The following OGDHL variants were observed in gnomAD, a reference collection of about 807,000 sequenced individuals.
OGDHL encodes oxoglutarate dehydrogenase L.
In OGDHL, 79 loss-of-function variants were observed where a neutral mutation model predicts 109.6. That is an observed-to-expected ratio of 0.72 (90% CI 0.60 to 0.87). The LOEUF is 0.87. OGDHL is among the 40% of genes least tolerant of loss of function. The pLI is 0.00. For missense variants in OGDHL, 1,275 were observed against 1,362.2 expected (o/e 0.94, Z 1.01); for synonymous variants, 528 against 537.2 (o/e 0.98, Z 0.24).
chr10:49,737,937 G>A lies in OGDHL; in HGVS notation c.2517+10C>T, dbSNP rs769479342. On this transcript the variant is annotated intron_variant, in intron 19 of 22. Coordinates refer to ENST00000374103, the MANE Select transcript of OGDHL (RefSeq NM_018245.3). ...CTGCCTGTGACCCCTGCCCTGGGAC[G>A]GAGACTCACCGGCTTGCGGAAGGGC... The A allele has an allele frequency of 1.7e-5, 27 of 1,614,016 alleles. No homozygotes were observed. Among genetic ancestry groups the A allele is most frequent in the African/African-American group, 5.3e-5 (4 of 74,926 alleles).
rs972315344 is a variant in OGDHL, at chr10:49,756,895, C to G, written c.256G>C (p.Ala86Pro). The G allele has an allele frequency of 6.2e-7, 1 of 1,613,852 alleles. No homozygotes were observed. The highest frequency in any genetic ancestry group is 8.5e-7 in the Non-Finnish European group (1 of 1,179,884). The change falls in exon 3 of 23, where the codon GCT (alanine) becomes CCT (proline). Residue 86 changes from alanine (A) to proline (P), a missense_variant. Coordinates refer to ENST00000374103, the MANE Select transcript of OGDHL (RefSeq NM_018245.3). Reference sequence around the variant, plus strand: ...ACAACAGAAGGGGGCCGTGGCTGAGCAGAGCCAGAAAAGGCTTCCTCGCTG... The same window carrying G: ...ACAACAGAAGGGGGCCGTGGCTGAGGAGAGCCAGAAAAGGCTTCCTCGCTG... ...EASEEAFSGS[A>P]QPRPPSVVHE...
At chr10:49,760,068 C>T (rs989855889) in intron 1 of OGDHL, among the ~76,000 whole-genome samples, 1 of 152,266 alleles carries the variant, frequency 6.6e-6, no homozygotes, top group Non-Finnish European at 1.5e-5. Flanking sequence ...CACAGCCCTC[C>T]TTCTAACTCA....
chr10:49,752,859 T>G (rs541532306), intron 3 of OGDHL, 119 bp from the exon 4 acceptor site: 1 of 698,218 alleles, frequency 1.4e-6, no homozygotes, highest in South Asian at 1.9e-5. Flanking sequence ...CTTCCCCATG[T>G]CTCTGCCCCG....
Position 49,743,911 on chromosome 10 carries a change from T to C in OGDHL, c.1861+83A>G. 10 of 1,530,314 alleles carry C rather than the reference T, an allele frequency of 6.5e-6. No homozygotes were observed. In the South Asian group the frequency reaches 1.1e-4, roughly 17 times the overall value. 94.8% of individuals were successfully genotyped at this position (1,530,314 alleles called of 1,614,324 possible). ...GCAGGAATGCGACACACCATCTCTCTTGCATCCCAACCAATCTCCCTTCGA... is the reference window on the plus strand; with the variant it reads ...GCAGGAATGCGACACACCATCTCTCCTGCATCCCAACCAATCTCCCTTCGA... On this transcript the variant is annotated intron_variant, in intron 14 of 22. Coordinates refer to ENST00000374103, the MANE Select transcript of OGDHL (RefSeq NM_018245.3).
rs1465107751 is a variant in OGDHL at position 49,745,391 on chromosome 10, C to A, written c.1582G>T (p.Ala528Ser). The A allele has an allele frequency of 6.2e-7, 1 of 1,614,142 alleles. No homozygotes were observed. The highest frequency in any genetic ancestry group is 2.2e-5 in the East Asian group (1 of 44,888). ...GTGCCCTCGGCAATCAGCTTGTCTGCGTACTTCTTCAGCACAGGCACCTGT... is the reference window on the plus strand; with the variant it reads ...GTGCCCTCGGCAATCAGCTTGTCTGAGTACTTCTTCAGCACAGGCACCTGT... Reference protein sequence around the residue: ...HRQVPVLKKYADKLIAEGTVT... With the variant: ...HRQVPVLKKYSDKLIAEGTVT... Residue 528 changes from alanine (A) to serine (S), a missense_variant, in exon 12 of 23, where the codon GCA becomes TCA. By Grantham distance (99) the Ala-to-Ser change is moderately conservative (BLOSUM62 1). Coordinates refer to ENST00000374103, the MANE Select transcript of OGDHL (RefSeq NM_018245.3).
rs931566217 is a variant in OGDHL, at chr10:49,735,337, T to G, written c.2924A>C (p.Asp975Ala). The G allele has an allele frequency of 6.2e-7, 1 of 1,613,064 alleles. No individual in the cohort carries two copies. Among genetic ancestry groups the G allele is most frequent in the Non-Finnish European group, 8.5e-7 (1 of 1,179,836 alleles). ...TCCTGTGGCTGGTGCAGCCGCTGGG[T>G]CCCGGCCAACATACCTGGAGGAGGA... ...RARPIWYVGRDPAAAPATGNR... is the reference protein window; with the variant it reads ...RARPIWYVGRAPAAAPATGNR... Residue 975 changes from aspartate to alanine, a missense_variant, in exon 23 of 23, where the codon GAC (aspartate) becomes GCC (alanine). Coordinates refer to ENST00000374103, the MANE Select transcript of OGDHL (RefSeq NM_018245.3).
chr10:49,754,284 C>A (rs964673097), intron 3 of OGDHL, among the ~76,000 whole-genome samples: 1 of 152,134 alleles, frequency 6.6e-6, no homozygotes, highest in Non-Finnish European at 1.5e-5. Context: ...TTTTGAGCAA[C>A]TATAAGGACA....
At chr10:49,745,641 C>T in intron 11 of OGDHL, 145 bp from the exon 12 acceptor site, 1 of 1,297,052 alleles carries the variant, frequency 7.7e-7, no homozygotes, top group Non-Finnish European at 1.1e-6. Flanking sequence ...ATGAATGTCC[C>T]GTCCCAGGCC....
Position 49,747,195 on chromosome 10 carries a change from A to G in OGDHL, c.1001T>C (p.Val334Ala). The change falls in exon 9 of 23, where the codon GTC becomes GCC. Residue 334 changes from valine (V) to alanine (A), a missense_variant. Val to Ala is a moderately conservative substitution (Grantham distance 64, BLOSUM62 0). Coordinates refer to ENST00000374103, the MANE Select transcript of OGDHL (RefSeq NM_018245.3). Reference protein sequence around the residue: ...LEAADEGSGDVKYHLGMYHER... With the variant: ...LEAADEGSGDAKYHLGMYHER... Reference sequence around the variant, plus strand: ...ATGGTACATGCCCAGGTGGTACTTGACATCCCCGGAGCCCTGAAGGTGGAG... The same window carrying G: ...ATGGTACATGCCCAGGTGGTACTTGGCATCCCCGGAGCCCTGAAGGTGGAG... The G allele has an allele frequency of 6.2e-7, 1 of 1,614,012 alleles. No individual in the cohort carries two copies. The highest frequency in any genetic ancestry group is 8.5e-7 in the Non-Finnish European group (1 of 1,179,922).
chr10:49,745,987 C>T lies in OGDHL; in HGVS notation c.1297-10G>A, dbSNP rs528335348. 3.3e-5 allele frequency: 53 copies of T among 1,612,646 alleles called. No homozygotes were observed. The highest frequency in any genetic ancestry group is 8.3e-5 in the Admixed American group (5 of 59,986). The stretch of plus-strand genomic sequence containing the variant: ...CTGTGGTGAATCCAATCTGCAGAGG[C>T]AGGAGAAACCTGCTGCGCCTCTCAA... On this transcript the variant is annotated splice_polypyrimidine_tract_variant and intron_variant, in intron 10 of 22. Coordinates refer to ENST00000374103, the MANE Select transcript of OGDHL (RefSeq NM_018245.3).
At chr10:49,740,663 C>T in intron 16 of OGDHL, 47 bp downstream of exon 16, 1 of 1,592,338 alleles carries the variant, frequency 6.3e-7, no homozygotes, top group South Asian at 1.1e-5. Flanking sequence ...ATCTCTTGTC[C>T]CCAGGTGTCT....
chr10:49,735,465 A>AAAAGGCAGGGTC, intron 22 of OGDHL, 114 bp from the exon 23 acceptor site: 1 of 1,289,856 alleles, frequency 7.8e-7, no homozygotes, highest in Non-Finnish European at 1.1e-6. Flanking sequence ...CCTCGAAGCC[A>AAAAGGCAGGGTC]TAGACCCTGC....
Position 49,742,051 on chromosome 10 carries a change from C to CA in OGDHL, c.2012+776_2012+777insT, listed in dbSNP as rs1554817904. On this transcript the variant is annotated intron_variant, in intron 15 of 22. Coordinates refer to ENST00000374103, the MANE Select transcript of OGDHL (RefSeq NM_018245.3). ...CATGACACATACCACACATATCACA[C>CA]GCACACCACACTACACACCACACAC... Among the ~76,000 whole-genome samples the CA allele has an allele frequency of 8.3e-5, 11 of 132,812 alleles. No homozygotes were observed. In the East Asian group the frequency reaches 1.0e-3, roughly 12 times the overall value. The allele number at this position is 132,812 out of a possible 152,430, so 87.1% of individuals were successfully genotyped here. A position where few individuals can be genotyped will look rare whatever the true frequency, so the allele number is the denominator to read the frequency against.
chr10:49,744,025 A>T lies in OGDHL; in HGVS notation c.1830T>A (p.Ser610=), dbSNP rs1841993658. Residue 610 remains serine, a synonymous_variant, in exon 14 of 23, where the codon TCT becomes TCA. Transcript: ENST00000374103. ...GGATCTTAAAGTCCTCCAGGGGCAC[A>T]GAGCTGGCCACACTGCCGATGTGGG... ...MLTHIGSVAS[S]VPLEDFKIHT... is the part of the protein sequence containing the mutation. 2 of 1,614,000 alleles carry T rather than the reference A, an allele frequency of 1.2e-6. No homozygotes were observed. Among genetic ancestry groups the T allele is most frequent in the Non-Finnish European group, 1.7e-6 (2 of 1,179,968 alleles).
Position 49,746,735 on chromosome 10 carries a change from A to G in OGDHL, c.1296+15T>C. On this transcript the variant is annotated intron_variant, in intron 10 of 22. Coordinates refer to ENST00000374103, the MANE Select transcript of OGDHL (RefSeq NM_018245.3). ...GCTGACGCTGTGAGGCCCAGCGTGGAGCCTACATGCTCACCTGGTTGTTGA... is the reference window on the plus strand; with the variant it reads ...GCTGACGCTGTGAGGCCCAGCGTGGGGCCTACATGCTCACCTGGTTGTTGA... 6.2e-7 allele frequency: 1 copy of G among 1,613,544 alleles called. No homozygotes were observed. The highest frequency in any genetic ancestry group is 1.1e-5 in the South Asian group (1 of 91,012).
intron 7 of OGDHL, among the ~76,000 whole-genome samples, chr10:49,750,427 C>T (rs1028864960): frequency 4.6e-5 from 7 of 152,180 alleles, no homozygotes; most frequent in East Asian, 1.9e-4. Flanking sequence ...CAGAGACCCT[C>T]GGCTCACCTC....
At chr10:49,757,264 T>A (rs1842973485) in intron 2 of OGDHL, among the ~76,000 whole-genome samples, 1 of 152,212 alleles carries the variant, frequency 6.6e-6, no homozygotes, top group Non-Finnish European at 1.5e-5. Flanking sequence ...CAAGATACGT[T>A]TTAAAGTGAA....
At position 49,735,126 on chromosome 10, in the gene OGDHL, C is replaced by G; in HGVS notation, c.*102G>C. The G allele has an allele frequency of 6.6e-7, 1 of 1,506,664 alleles. No individual in the cohort carries two copies. The highest frequency in any genetic ancestry group is 8.9e-7 in the Non-Finnish European group (1 of 1,121,978). The allele number at this position is 1,506,664 out of a possible 1,614,324, so 93.3% of individuals were successfully genotyped here. A position where few individuals can be genotyped will look rare whatever the true frequency, so the allele number is the denominator to read the frequency against. On this transcript the variant is annotated 3_prime_UTR_variant, in exon 23 of 23. Transcript: ENST00000374103. ...ACTGTGTCTGTTTTATCCTGGGGCC[C>G]CACAGCCCCTCTCCTGGGCAGGAGC...
chr10:49,752,305 G>A, intron 4 of OGDHL, 57 bp from the exon 5 acceptor site: 1 of 1,348,668 alleles, frequency 7.4e-7, no homozygotes. Flanking sequence ...GGGAGGTCAG[G>A]CCCAGGTGGA....
Sources: gnomAD v4.1 joint callset for allele counts (sites outside exome capture counted in the v4.1 genomes callset) on GRCh38, gnomAD v4.1.1 for gene constraint, MANE v1.5 for transcripts, NCBI Gene and HGNC (gene_info 2026-07-23, HGNC 2026-07-21) for gene names.